DNAH8: variants seen among roughly 807,000 people sequenced by gnomAD.
DNAH8 encodes axonemal beta dynein heavy chain 8.
Under a neutral mutation model 562.1 loss-of-function variants are expected in DNAH8, and 382 were observed. The ratio of observed to expected loss-of-function variants is 0.68; its 90% CI spans 0.63 to 0.74. DNAH8 has a LOEUF of 0.74. Ranked by LOEUF, DNAH8 falls within the 30% of genes least tolerant of loss-of-function variation. The pLI, the probability that DNAH8 is intolerant of heterozygous loss-of-function variation, is 0.00. For synonymous variants in DNAH8, 1,881 were observed against 1,919.4 expected, an observed-to-expected ratio of 0.98 and a Z score of 0.52; for missense variants, 5,203 against 5,620.4, an observed-to-expected ratio of 0.93 and a Z score of 2.37.
At chr6:38,852,560 GTCTC>G (rs940898413) in intron 39 of DNAH8, 130 bp from the exon 40 acceptor site, 37 of 616,860 alleles carry the variant, frequency 6.0e-5, no homozygotes, top group Non-Finnish European at 1.0e-4. Context: ...TCAAAGCAGA[GTCTC>G]TCTCTATTTT....
intron 52 of DNAH8, among the ~76,000 whole-genome samples, chr6:38,874,068 T>TTCTTTC (rs377254876): frequency 0.028 from 1,576 of 57,078 alleles, 313 homozygotes; most frequent in African/African-American, 0.085. Context: ...CTTTCTTTCT[T>TTCTTTC]TTTCTTTCTT....
intron 88 of DNAH8, among the ~76,000 whole-genome samples, chr6:39,000,181 C>T (rs753649490): frequency 2.0e-5 from 3 of 152,134 alleles, no homozygotes; most frequent in Non-Finnish European, 2.9e-5. Context: ...AGATGCAGTC[C>T]GTGCTCTTGG....
chr6:38,946,041 G>T (rs570643790), intron 80 of DNAH8, among the ~76,000 whole-genome samples: 55 of 152,070 alleles, frequency 3.6e-4, no homozygotes, highest in Non-Finnish European at 6.2e-4. Flanking sequence ...GTACCGATTT[G>T]CTTGTTGTTT....
At chr6:38,741,927 C>T (rs771553342) in intron 8 of DNAH8, 40 bp downstream of exon 8, 1 of 1,537,222 alleles carries the variant, frequency 6.5e-7, no homozygotes, top group South Asian at 1.2e-5. Flanking sequence ...TACTTCAGAA[C>T]AAGCAACTAG....
rs776212344 is a variant in DNAH8 at position 38,915,254 on chromosome 6, A to T, written c.10017A>T (p.Glu3339Asp). The T allele has an allele frequency of 3.1e-6, 5 of 1,610,130 alleles. No homozygotes were observed. The highest frequency in any genetic ancestry group is 4.2e-6 in the Non-Finnish European group (5 of 1,178,716). The change falls in exon 68 of 93, where the codon GAA (glutamate) becomes GAT (aspartate). Residue 3339 changes from glutamate (E) to aspartate (D), a missense_variant. Physicochemically the swap from Glu to Asp is conservative, Grantham distance 45. Around this residue, in one of 6 missense-constraint regions of DNAH8, gnomAD observed 87 missense variants for 144.9 expected, o/e 0.60. Coordinates refer to ENST00000327475, the MANE Select transcript of DNAH8 (RefSeq NM_001206927.2). ...AGGCTTCAGCCAAAATTAAAAATGA[A>T]GTACAGGAGGTAAAGGACAAAGCCC... ...SAQASAKIKN[E>D]VQEVKDKAQK...
At position 39,014,539 on chromosome 6, in the gene DNAH8, A is replaced by T. The variant is rs75728235; in HGVS notation, c.13714+1902A>T. Among the ~76,000 whole-genome samples the T allele has an allele frequency of 0.011, 1,702 of 152,342 alleles. 109 individuals carry two copies. In the East Asian group the frequency reaches 0.16, roughly 14 times the overall value. ...ATAATCTGGTTGGTAAGACAGACAC[A>T]TCAGCAACCTTAATGTAATGTGATA... On this transcript the variant is annotated intron_variant, in intron 91 of 92. Transcript: ENST00000327475.
chr6:38,815,956 A>C (rs915424264), intron 26 of DNAH8, among the ~76,000 whole-genome samples: 2 of 152,186 alleles, frequency 1.3e-5, no homozygotes, highest in African/African-American at 4.8e-5. Context: ...TTCGTCACTT[A>C]AGTAGTTATG....
At position 38,850,378 on chromosome 6, in the gene DNAH8, A is replaced by G. The variant is rs1338644482; in HGVS notation, c.5327A>G (p.His1776Arg). The G allele has an allele frequency of 1.2e-6, 2 of 1,613,652 alleles. No homozygotes were observed. The highest frequency in any genetic ancestry group is 2.2e-5 in the South Asian group (2 of 91,028). Residue 1776 changes from histidine to arginine, a missense_variant, in exon 38 of 93, where the codon CAT (histidine) becomes CGT (arginine). His to Arg is a conservative substitution (Grantham distance 29, BLOSUM62 0). Around this residue, in one of 6 missense-constraint regions of DNAH8, gnomAD observed 2,176 missense variants for 2,365.1 expected, o/e 0.92. Coordinates refer to ENST00000327475, the MANE Select transcript of DNAH8 (RefSeq NM_001206927.2). ...ATGGGACAACTTTTACCTCATTTACATGAGCAGTTGGAAGTATGTCAGAAG... is the reference window on the plus strand; with the variant it reads ...ATGGGACAACTTTTACCTCATTTACGTGAGCAGTTGGAAGTATGTCAGAAG... Reference protein sequence around the residue: ...ETMGQLLPHLHEQLEVCQKSL... With the variant: ...ETMGQLLPHLREQLEVCQKSL...
chr6:39,018,107 C>G (rs1766675916), intron 91 of DNAH8, among the ~76,000 whole-genome samples: 1 of 152,144 alleles, frequency 6.6e-6, no homozygotes, highest in African/African-American at 2.4e-5. Flanking sequence ...CACTAACCTG[C>G]CCTGTCCCCA....
chr6:38,958,414 G>GAAAAAAAAAAAAAAAAAAAAAAAGAAAA (rs35615279), intron 82 of DNAH8, among the ~76,000 whole-genome samples: 1 of 131,040 alleles, frequency 7.6e-6, no homozygotes, highest in Non-Finnish European at 1.6e-5. Flanking sequence ...GATATGACTG[G>GAAAAAAAAAAAAAAAAAAAAAAAGAAAA]AAAAAAAAAA....
chr6:38,920,091 G>C (rs1781591937), intron 70 of DNAH8, among the ~76,000 whole-genome samples: 1 of 152,128 alleles, frequency 6.6e-6, no homozygotes, highest in Non-Finnish European at 1.5e-5. Context: ...CATAATTCTA[G>C]ATGTGAAGAT....
At chr6:38,762,154 T>C (rs1766586590) in intron 11 of DNAH8, among the ~76,000 whole-genome samples, 1 of 152,214 alleles carries the variant, frequency 6.6e-6, no homozygotes, top group Non-Finnish European at 1.5e-5. Context: ...GTAGTTGCCA[T>C]CCTAATTTTG....
chr6:38,806,580 G>A (rs1054295314), intron 23 of DNAH8, among the ~76,000 whole-genome samples: 2 of 152,106 alleles, frequency 1.3e-5, no homozygotes, highest in African/African-American at 4.8e-5. Context: ...CACTGGAGCT[G>A]TGCTAGTGGT....
At position 39,008,801 on chromosome 6, in the gene DNAH8, C is replaced by T. The variant is rs778070184; in HGVS notation, c.13215-13C>T. On this transcript the variant is annotated splice_polypyrimidine_tract_variant and intron_variant, in intron 88 of 92. Transcript: ENST00000327475. ...TCCCTGTAACATTCTGAACAGCTCACTCTTTTTACTAGGTATCAGAGTAAC... is the reference window on the plus strand; with the variant it reads ...TCCCTGTAACATTCTGAACAGCTCATTCTTTTTACTAGGTATCAGAGTAAC... 1.9e-6 allele frequency: 3 copies of T among 1,567,872 alleles called. No individual in the cohort carries two copies. Among genetic ancestry groups the T allele is most frequent in the Non-Finnish European group, 2.6e-6 (3 of 1,143,778 alleles).
At chr6:38,719,427 C>A (rs1762582971) in intron 1 of DNAH8, among the ~76,000 whole-genome samples, 1 of 152,112 alleles carries the variant, frequency 6.6e-6, no homozygotes, top group Non-Finnish European at 1.5e-5. Context: ...TTGTTTCCAT[C>A]TTTATGTCCA....
chr6:38,783,462 T>A (rs751681477), intron 17 of DNAH8, among the ~76,000 whole-genome samples: 6 of 152,192 alleles, frequency 3.9e-5, no homozygotes, highest in African/African-American at 1.4e-4. Flanking sequence ...ATGATATAGA[T>A]TCAAATCTCA....
intron 87 of DNAH8, among the ~76,000 whole-genome samples, chr6:38,986,244 T>C (rs565839647): frequency 1.3e-5 from 2 of 152,312 alleles, no homozygotes; most frequent in Admixed American, 6.5e-5. Flanking sequence ...TTACCTGTTG[T>C]AGAGGCCTAT....
chr6:38,970,046 G>T (rs1328778394), intron 82 of DNAH8, among the ~76,000 whole-genome samples: 1 of 152,090 alleles, frequency 6.6e-6, no homozygotes, highest in African/African-American at 2.4e-5. Flanking sequence ...GGATATGAAG[G>T]GATGCCTCTA....
chr6:38,852,862 A>G (rs2150391721), intron 40 of DNAH8, 64 bp downstream of exon 40: 1 of 1,277,856 alleles, frequency 7.8e-7, no homozygotes, highest in Non-Finnish European at 1.1e-6. Flanking sequence ...TGAGGAGAAT[A>G]CAGTTCTCTT....
Sources: gnomAD v4.1 joint callset for allele counts (sites outside exome capture counted in the v4.1 genomes callset) on GRCh38, gnomAD v4.1.1 for gene constraint, gnomAD v4.1.1 regional missense constraint, MANE v1.5 for transcripts, NCBI Gene and HGNC (gene_info 2026-07-23, HGNC 2026-07-21) for gene names.